The following RIPOR1 variants were observed in gnomAD, a reference collection of about 807,000 sequenced individuals.
The protein encoded by RIPOR1 is RHO family interacting cell polarization regulator 1, also known as rho family-interacting cell polarization regulator 1.
In RIPOR1, 58 loss-of-function variants were observed where a neutral mutation model predicts 116.5. That is an observed-to-expected ratio of 0.50 (90% CI 0.40 to 0.62). The LOEUF (loss-of-function observed/expected upper bound fraction) is 0.62. Ranked by LOEUF, RIPOR1 falls within the 20% of genes least tolerant of loss-of-function variation. The pLI is 0.00. For missense variants in RIPOR1, 1,372 were observed against 1,586.2 expected, an observed-to-expected ratio of 0.86 and a Z score of 2.29; for synonymous variants, 605 against 650.0, an observed-to-expected ratio of 0.93 and a Z score of 1.05.
chr16:67,536,293 C>T (rs1172318362), intron 1 of RIPOR1, among the ~76,000 whole-genome samples: 1 of 152,194 alleles, frequency 6.6e-6, no homozygotes, highest in East Asian at 1.9e-4. Flanking sequence ...ATTAAAAATA[C>T]AAACATTAGC....
Position 67,543,784 on chromosome 16 carries a change from G to A in RIPOR1, c.2600+315G>A. On this transcript the variant is annotated intron_variant, in intron 14 of 21. Coordinates refer to ENST00000042381, the MANE Select transcript of RIPOR1 (RefSeq NM_024519.4). This position sits in a 1 kb window ranked among gnomAD's most constrained non-coding sequence, Gnocchi z 4.7. ...CCTCCAGCCCCTCCTCTTCCCCTTG[G>A]CCTCACCTTGGACCTGCCCTTTAAG... 1 of 459,822 alleles carries A rather than the reference G, an allele frequency of 2.2e-6. No homozygotes were observed. Among genetic ancestry groups the A allele is most frequent in the South Asian group, 2.2e-5 (1 of 45,974 alleles). 28.5% of individuals were successfully genotyped at this position (459,822 alleles called of 1,614,324 possible).
intron 1 of RIPOR1, among the ~76,000 whole-genome samples, chr16:67,520,793 C>G (rs1410373546): frequency 2.0e-5 from 3 of 149,614 alleles, no homozygotes; most frequent in Non-Finnish European, 4.4e-5. Flanking sequence ...GAGTGAGACT[C>G]CATCTCAAAA....
Position 67,531,934 on chromosome 16 carries a change from C to G in RIPOR1, c.-24+3020C>G, listed in dbSNP as rs1025339571. 1.6e-4 allele frequency among the ~76,000 whole-genome samples: 24 copies of G among 152,286 alleles called. No individual in the cohort carries two copies. Among genetic ancestry groups the G allele is most frequent in the African/African-American group, 5.5e-4 (23 of 41,554 alleles). On this transcript the variant is annotated intron_variant, in intron 1 of 21. Transcript: ENST00000042381. The surrounding 1 kb of genome is among the most constrained non-coding windows in gnomAD (Gnocchi z 4.2). ...TGAGACAGAGTCTCGCTCTGTCGCC[C>G]AGGCTGGAGTGTAGTGGTGAGATCT...
At position 67,541,619 on chromosome 16, in the gene RIPOR1, T is replaced by C; in HGVS notation, c.951-34T>C. The C allele has an allele frequency of 6.2e-7, 1 of 1,613,978 alleles. No individual in the cohort carries two copies. The highest frequency in any genetic ancestry group is 1.3e-5 in the African/African-American group (1 of 75,036). On this transcript the variant is annotated intron_variant, in intron 11 of 21. Coordinates refer to ENST00000042381, the MANE Select transcript of RIPOR1 (RefSeq NM_024519.4). The surrounding 1 kb of genome is among the most constrained non-coding windows in gnomAD (Gnocchi z 4.6). ...AGGCTTGGAGGAGGGCCAGGAGGGC[T>C]GTGGCACCTGCCAACAGCCTCTTCC...
chr16:67,542,676 C>T lies in RIPOR1; in HGVS notation c.1890C>T (p.Thr630=). The T allele has an allele frequency of 3.7e-6, 6 of 1,613,768 alleles. No individual in the cohort carries two copies. Among genetic ancestry groups the T allele is most frequent in the South Asian group, 1.1e-5 (1 of 91,058 alleles). Residue 630 remains threonine (T), a synonymous_variant, in exon 13 of 22, where the codon ACC becomes ACT. Transcript: ENST00000042381. This position sits in a 1 kb window ranked among gnomAD's most constrained non-coding sequence, Gnocchi z 4.6. ...TSPTHTPTSP[T]HKTSMSPPTT... ...CCACCCATACCCCCACAAGTCCCAC[C>T]CACAAAACCAGTATGTCACCTCCCA...
chr16:67,538,565 A>G lies in RIPOR1; in HGVS notation c.104+15A>G, dbSNP rs2050871911. On this transcript the variant is annotated intron_variant, in intron 2 of 21. Coordinates refer to ENST00000042381, the MANE Select transcript of RIPOR1 (RefSeq NM_024519.4). ...CGGGGGCCCAGGTACGCGGCCGCGC[A>G]GGGTTGGTGGGGTCAAAGGGCGTCA... 1 of 1,611,552 alleles carries G rather than the reference A, an allele frequency of 6.2e-7. No individual in the cohort carries two copies. The highest frequency in any genetic ancestry group is 2.2e-5 in the East Asian group (1 of 44,818).
chr16:67,521,713 G>T (rs536137891), intron 1 of RIPOR1, among the ~76,000 whole-genome samples: 1 of 152,152 alleles, frequency 6.6e-6, no homozygotes, highest in African/African-American at 2.4e-5. Context: ...CAATGACAGC[G>T]ACACTGGCCA....
chr16:67,537,541 G>C lies in RIPOR1; in HGVS notation c.-23-883G>C, dbSNP rs549088471. On this transcript the variant is annotated intron_variant, in intron 1 of 21. Coordinates refer to ENST00000042381, the MANE Select transcript of RIPOR1 (RefSeq NM_024519.4). This position sits in a 1 kb window ranked among gnomAD's most constrained non-coding sequence, Gnocchi z 4.6. ...AGTGGCCAGGGCCGGAAGGTCCGCG[G>C]GGGGCGAGCGCGGGTCGGGGGCCGT... 1.8e-5 allele frequency: 24 copies of C among 1,352,720 alleles called. No homozygotes were observed. The South Asian group carries it at 3.5e-4, about 20-fold the overall frequency. 83.8% of individuals were successfully genotyped at this position (1,352,720 alleles called of 1,614,324 possible). A position where few individuals can be genotyped will look rare whatever the true frequency, so the allele number is the denominator to read the frequency against.
chr16:67,536,502 C>A (rs2050798931), intron 1 of RIPOR1, among the ~76,000 whole-genome samples: 1 of 152,158 alleles, frequency 6.6e-6, no homozygotes, highest in East Asian at 1.9e-4. Context: ...CCCATGTGAG[C>A]TGGGGGCAGG....
rs1001750383 is a variant in RIPOR1 at position 67,533,369 on chromosome 16, T to C, written c.-24+4455T>C. Among the ~76,000 whole-genome samples, 3 of 152,018 alleles carry C rather than the reference T, an allele frequency of 2.0e-5. No homozygotes were observed. The East Asian group carries it at 5.8e-4, about 29-fold the overall frequency. ...GAAGCTGGCAACATTTAGATGGCAT[T>C]GAGCTGCGGGATCTGTGCACAGCCC... On this transcript the variant is annotated intron_variant, in intron 1 of 21. Coordinates refer to ENST00000042381, the MANE Select transcript of RIPOR1 (RefSeq NM_024519.4).
chr16:67,546,613 G>T lies in RIPOR1; in HGVS notation c.*150G>T. 1 of 654,196 alleles carries T rather than the reference G, an allele frequency of 1.5e-6. No homozygotes were observed. The allele number at this position is 654,196 out of a possible 1,614,324, so 40.5% of individuals were successfully genotyped here. A position where few individuals can be genotyped will look rare whatever the true frequency, so the allele number is the denominator to read the frequency against. On this transcript the variant is annotated 3_prime_UTR_variant, in exon 22 of 22. Transcript: ENST00000042381. ...TAATATATTCTTCTGTTGCCCCTGG[G>T]GTTGGAGAGTCAGTGCCTGCAGTCA...
chr16:67,528,958 A>T (rs767061882), intron 1 of RIPOR1, 44 bp downstream of exon 1: 3 of 181,772 alleles, frequency 1.7e-5, no homozygotes, highest in African/African-American at 7.2e-5. Flanking sequence ...CCGGGCGGGG[A>T]GCAGGCGCGG....
At chr16:67,539,230 C>G in intron 4 of RIPOR1, 162 bp downstream of exon 4, 2 of 630,870 alleles carry the variant, frequency 3.2e-6, no homozygotes, top group Non-Finnish European at 5.4e-6. Flanking sequence ...TATCCCCAAA[C>G]TTTGCTGTGC....
In RIPOR1 at chr16:67,538,545, G is replaced by A. The variant is rs775670775; in HGVS notation, c.99G>A (p.Gly33=). 8 of 1,611,806 alleles carry A rather than the reference G, an allele frequency of 5.0e-6. No homozygotes were observed. In the East Asian group the frequency reaches 1.1e-4, roughly 22 times the overall value. ...FAGVLGSHER[G]PRSFPVFSPP... is the part of the protein sequence containing the mutation. ...GCGTCCTCGGCAGCCACGAGCGGGG[G>A]CCCAGGTACGCGGCCGCGCAGGGTT... Residue 33 remains glycine (G), a synonymous_variant, in exon 2 of 22, where the codon GGG becomes GGA. Coordinates refer to ENST00000042381, the MANE Select transcript of RIPOR1 (RefSeq NM_024519.4).
Position 67,539,043 on chromosome 16 carries a change from G to A in RIPOR1, c.311G>A (p.Arg104Lys), listed in dbSNP as rs1193731516. 5.0e-6 allele frequency: 8 copies of A among 1,613,252 alleles called. No individual in the cohort carries two copies. The highest frequency in any genetic ancestry group is 1.3e-5 in the African/African-American group (1 of 74,870). The change falls in exon 4 of 22, where the codon AGG becomes AAG. Residue 104 changes from arginine (R) to lysine (K), a missense_variant. Transcript: ENST00000042381. ...CAAGAGAAACTCCAGGGGCAGATAAGGGAGTCCAAGAGGAATTCCCGCTTG... is the reference window on the plus strand; with the variant it reads ...CAAGAGAAACTCCAGGGGCAGATAAAGGAGTCCAAGAGGAATTCCCGCTTG... ...QEQEKLQGQI[R>K]ESKRNSRLGF... is the part of the protein sequence containing the mutation.
At chr16:67,538,960 G>T in intron 3 of RIPOR1, 30 bp from the exon 4 acceptor site, 1 of 1,613,548 alleles carries the variant, frequency 6.2e-7, no homozygotes. Context: ...GGAGAGCCGA[G>T]TTCATTCTTG....
intron 1 of RIPOR1, among the ~76,000 whole-genome samples, chr16:67,533,177 A>C (rs187754698): frequency 4.1e-4 from 62 of 152,098 alleles, no homozygotes; most frequent in Middle Eastern, 3.4e-3. Flanking sequence ...TGTCATGGAG[A>C]AGTTGAGACT....
chr16:67,538,054 G>A, intron 1 of RIPOR1: 1 of 221,256 alleles, frequency 4.5e-6, no homozygotes, highest in Non-Finnish European at 8.8e-6. Context: ...GGGCAGGGCT[G>A]GGGAGGCTGC....
chr16:67,536,709 G>A (rs1304523660), intron 1 of RIPOR1, among the ~76,000 whole-genome samples: 4 of 152,062 alleles, frequency 2.6e-5, no homozygotes, highest in African/African-American at 4.8e-5. Flanking sequence ...CTCTCTTGGC[G>A]CAGCAGCACA....
Sources: allele counts gnomAD v4.1 joint callset (sites outside exome capture counted in the v4.1 genomes callset), GRCh38; gene constraint gnomAD v4.1.1; non-coding constraint Gnocchi (gnomAD v3.1); transcripts MANE v1.5; gene names NCBI Gene and HGNC (gene_info 2026-07-23, HGNC 2026-07-21).